Variants in BABAM2 observed in about 807,000 individuals in gnomAD.
The protein encoded by BABAM2 is BRISC and BRCA1 A complex member 2, also known as BRISC and BRCA1-A complex member 2.
In BABAM2, 31 loss-of-function variants were observed where a neutral mutation model predicts 54.7. That is an observed-to-expected ratio of 0.57 (90% confidence interval 0.43 to 0.77). The LOEUF (loss-of-function observed/expected upper bound fraction) is 0.77, where lower values mean the gene tolerates loss of function less well. Ranked by LOEUF, BABAM2 falls within the 30% of genes least tolerant of loss-of-function variation. The probability of loss-of-function intolerance (pLI) is 0.00; values close to 1 mark genes in which losing one functional copy is unlikely to be tolerated. For missense variants in BABAM2, 364 were observed against 455.8 expected, an observed-to-expected ratio of 0.80 and a Z score of 1.83; for synonymous variants, 167 against 162.9, an observed-to-expected ratio of 1.03 and a Z score of -0.19.
intron 6 of BABAM2, among the ~76,000 whole-genome samples, chr2:28,074,911 T>C (rs76873820): frequency 6.6e-6 from 1 of 152,294 alleles, no homozygotes; most frequent in African/African-American, 2.4e-5. Flanking sequence ...TCTCACTAAA[T>C]TGATATTTAT....
intron 10 of BABAM2, among the ~76,000 whole-genome samples, chr2:28,248,746 C>G (rs1163185783): frequency 6.6e-6 from 1 of 152,124 alleles, no homozygotes; most frequent in Non-Finnish European, 1.5e-5. Flanking sequence ...TTTTCCATTA[C>G]CTATAAATCT....
intron 6 of BABAM2, among the ~76,000 whole-genome samples, chr2:28,085,929 T>C (rs1321567356): frequency 6.6e-6 from 1 of 152,202 alleles, no homozygotes; most frequent in Non-Finnish European, 1.5e-5. Flanking sequence ...TGAAAAAATG[T>C]AATTAATCTG....
chr2:28,137,141 C>G (rs1197830507), intron 7 of BABAM2, among the ~76,000 whole-genome samples: 3 of 151,902 alleles, frequency 2.0e-5, no homozygotes, highest in Non-Finnish European at 4.4e-5. Context: ...TCAGTCTTCT[C>G]AAAAAAGAGA....
At chr2:28,275,642 T>A (rs1394262551) in intron 10 of BABAM2, among the ~76,000 whole-genome samples, 1 of 152,204 alleles carries the variant, frequency 6.6e-6, no homozygotes, top group Non-Finnish European at 1.5e-5. Context: ...GATTAGTATT[T>A]AATACATATG....
At chr2:28,327,198 T>C in intron 11 of BABAM2, 4 of 1,475,472 alleles carry the variant, frequency 2.7e-6, no homozygotes, top group Non-Finnish European at 3.6e-6. Flanking sequence ...AGGAGCCCAT[T>C]AGGACTACCC....
intron 6 of BABAM2, among the ~76,000 whole-genome samples, chr2:28,106,748 T>G (rs1277896278): frequency 6.6e-6 from 1 of 152,224 alleles, no homozygotes; most frequent in Non-Finnish European, 1.5e-5. Flanking sequence ...CCTTTGTCAT[T>G]GGTATTTTGG....
At chr2:28,326,965 A>C (rs916153899) in intron 11 of BABAM2, among the ~76,000 whole-genome samples, 2 of 152,190 alleles carry the variant, frequency 1.3e-5, no homozygotes, top group Admixed American at 1.3e-4. Context: ...AGTATATCTT[A>C]AGTAAGCCAA....
At chr2:28,236,197 AAAAC>A (rs1424415605) in intron 7 of BABAM2, among the ~76,000 whole-genome samples, 1 of 152,168 alleles carries the variant, frequency 6.6e-6, no homozygotes, top group Admixed American at 6.5e-5. Context: ...GAAATTAAGA[AAAAC>A]AAACTAAGGC....
chr2:28,209,838 T>C (rs1679259655), intron 7 of BABAM2, among the ~76,000 whole-genome samples: 1 of 152,212 alleles, frequency 6.6e-6, no homozygotes, highest in African/African-American at 2.4e-5. Context: ...AGGGAGATTT[T>C]CCTTTTTGGA....
chr2:28,040,684 G>A (rs1393963543), intron 5 of BABAM2, among the ~76,000 whole-genome samples: 1 of 152,130 alleles, frequency 6.6e-6, no homozygotes, highest in Admixed American at 6.5e-5. Flanking sequence ...TCTTCCAATG[G>A]CAAAATAAGG....
At chr2:28,218,579 C>T (rs1431747487) in intron 7 of BABAM2, among the ~76,000 whole-genome samples, 1 of 152,034 alleles carries the variant, frequency 6.6e-6, no homozygotes, top group African/African-American at 2.4e-5. Context: ...TATAACATAT[C>T]AAAAGTCACA....
At chr2:28,026,627 A>C (rs935892389) in intron 5 of BABAM2, among the ~76,000 whole-genome samples, 1 of 148,904 alleles carries the variant, frequency 6.7e-6, no homozygotes, top group African/African-American at 2.5e-5. Context: ...GACATACCTG[A>C]TGTAGATGAT....
At chr2:28,182,517 C>T (rs777461185) in intron 7 of BABAM2, among the ~76,000 whole-genome samples, 31 of 152,156 alleles carry the variant, frequency 2.0e-4, no homozygotes, top group Non-Finnish European at 2.1e-4. Flanking sequence ...GAGACATCCT[C>T]CCGTGTTCAG....
chr2:28,021,602 TG>T (rs1338070814), intron 4 of BABAM2, among the ~76,000 whole-genome samples: 2 of 152,248 alleles, frequency 1.3e-5, no homozygotes, highest in Non-Finnish European at 2.9e-5. Context: ...TTTCATATAT[TG>T]TCAGTCTCTT....
chr2:28,141,692 G>T (rs1458820207), intron 7 of BABAM2, among the ~76,000 whole-genome samples: 1 of 152,156 alleles, frequency 6.6e-6, no homozygotes, highest in East Asian at 1.9e-4. Context: ...TTAAGCTCAT[G>T]TTGTTCACAG....
chr2:27,917,851 A>T (rs1206658302), intron 2 of BABAM2, among the ~76,000 whole-genome samples: 1 of 152,110 alleles, frequency 6.6e-6, no homozygotes, highest in South Asian at 2.1e-4. Flanking sequence ...TATATTACTT[A>T]TATTGTGGTA....
At chr2:28,177,279 G>A (rs1461007483) in intron 7 of BABAM2, among the ~76,000 whole-genome samples, 1 of 151,688 alleles carries the variant, frequency 6.6e-6, no homozygotes, top group Non-Finnish European at 1.5e-5. Flanking sequence ...AAAAAAAACT[G>A]TTAGCCAAGT....
chr2:27,905,362 G>A (rs1666114890), intron 2 of BABAM2, among the ~76,000 whole-genome samples: 1 of 152,134 alleles, frequency 6.6e-6, no homozygotes, highest in Admixed American at 6.5e-5. Flanking sequence ...TGAGGTCTGA[G>A]TTTGTATCCT....
At chr2:28,318,702 G>C (rs183346581) in intron 11 of BABAM2, among the ~76,000 whole-genome samples, 1 of 152,314 alleles carries the variant, frequency 6.6e-6, no homozygotes, top group East Asian at 1.9e-4. Flanking sequence ...CTGTGTGTCT[G>C]TATTTGTTTA....
Sources: gnomAD v4.1 joint callset for allele counts (sites outside exome capture counted in the v4.1 genomes callset) on GRCh38, gnomAD v4.1.1 for gene constraint, MANE v1.5 for transcripts, NCBI Gene and HGNC (gene_info 2026-07-23, HGNC 2026-07-21) for gene names.